Variants in SCAMP2 observed in about 807,000 individuals in gnomAD.
SCAMP2 encodes secretory carrier-associated membrane protein 2.
In SCAMP2, 25 loss-of-function variants were observed where a neutral mutation model predicts 44.1. The observed-to-expected ratio is 0.57, with a 90% CI of 0.41 to 0.79. The LOEUF (loss-of-function observed/expected upper bound fraction) is 0.79, where lower values mean the gene tolerates loss of function less well. Among genes scored for constraint, SCAMP2 ranks in the 30% least tolerant of loss-of-function variants. The pLI is 0.00. For synonymous variants in SCAMP2, 156 were observed against 166.0 expected (o/e 0.94, Z 0.46); for missense variants, 355 against 411.0 (o/e 0.86, Z 1.18).
intron 1 of SCAMP2, among the ~76,000 whole-genome samples, chr15:74,857,510 C>G (rs1019952558): frequency 6.6e-6 from 1 of 152,162 alleles, no homozygotes; most frequent in Non-Finnish European, 1.5e-5. Flanking sequence ...AGTGGCTCCT[C>G]GAGTCTGAGT....
Position 74,873,289 on chromosome 15 carries a change from C to G in SCAMP2, c.-34G>C. On this transcript the variant is annotated 5_prime_UTR_variant, in exon 1 of 9. Coordinates refer to ENST00000268099, the MANE Select transcript of SCAMP2 (RefSeq NM_005697.5). Reference sequence around the variant, plus strand: ...GGGGCCAGCGGGCGAACTCCGCGAACGCTGCTGCCTCCGGGCACCCAGACC... The same window carrying G: ...GGGGCCAGCGGGCGAACTCCGCGAAGGCTGCTGCCTCCGGGCACCCAGACC... The G allele has an allele frequency of 6.8e-7, 1 of 1,475,580 alleles. No individual in the cohort carries two copies. The highest frequency in any genetic ancestry group is 8.9e-7 in the Non-Finnish European group (1 of 1,117,668). 91.4% of individuals were successfully genotyped at this position (1,475,580 alleles called of 1,614,324 possible). A position where few individuals can be genotyped will look rare whatever the true frequency, so the allele number is the denominator to read the frequency against.
At chr15:74,873,036 G>A in intron 1 of SCAMP2, 163 bp downstream of exon 1, 1 of 573,604 alleles carries the variant, frequency 1.7e-6, no homozygotes, top group Non-Finnish European at 2.9e-6. Context: ...TGCTAGTCGC[G>A]CCCCTCACGC....
intron 1 of SCAMP2, 84 bp from the exon 2 acceptor site, chr15:74,854,733 AAG>A (rs1325963263): frequency 1.6e-6 from 2 of 1,249,544 alleles, no homozygotes; most frequent in Non-Finnish European, 2.3e-6. Flanking sequence ...CGCCTGACTG[AAG>A]CAGGGCAGCT....
chr15:74,846,108 C>A (rs1017662853), intron 7 of SCAMP2, among the ~76,000 whole-genome samples: 1 of 152,028 alleles, frequency 6.6e-6, no homozygotes, highest in Non-Finnish European at 1.5e-5. Flanking sequence ...CATGGAGAAA[C>A]CTTGCTCTAC....
intron 1 of SCAMP2, among the ~76,000 whole-genome samples, chr15:74,865,377 T>C (rs1465194674): frequency 9.4e-6 from 1 of 106,378 alleles, no homozygotes; most frequent in African/African-American, 3.2e-5. Context: ...CAAGACTTTG[T>C]CTCAAAAAAA....
chr15:74,862,736 C>T (rs1035703906), intron 1 of SCAMP2, among the ~76,000 whole-genome samples: 1 of 148,708 alleles, frequency 6.7e-6, no homozygotes, highest in Non-Finnish European at 1.5e-5. Flanking sequence ...GCAGGAGAAC[C>T]GTTTGAACCA....
chr15:74,865,025 G>A (rs1347205834), intron 1 of SCAMP2, among the ~76,000 whole-genome samples: 1 of 138,482 alleles, frequency 7.2e-6, no homozygotes, highest in Admixed American at 7.8e-5. Context: ...AGAGGTGGAG[G>A]CTGCAGTGAG....
chr15:74,859,616 C>CT (rs386383489), intron 1 of SCAMP2, among the ~76,000 whole-genome samples: 3,345 of 132,556 alleles, frequency 0.025, 96 homozygotes, highest in East Asian at 0.066. Flanking sequence ...GAAAACCACA[C>CT]TTTTTTTTTT....
At chr15:74,850,180 G>A (rs1289840476) in intron 6 of SCAMP2, among the ~76,000 whole-genome samples, 1 of 152,178 alleles carries the variant, frequency 6.6e-6, no homozygotes. Flanking sequence ...ACACCTTAGA[G>A]CCTCAGAAGG....
At chr15:74,852,229 A>C in intron 3 of SCAMP2, 43 bp from the exon 4 acceptor site, 2 of 1,346,482 alleles carry the variant, frequency 1.5e-6, no homozygotes, top group Non-Finnish European at 2.0e-6. Context: ...AGACACAACA[A>C]ACAGAAACAG....
chr15:74,869,561 C>T (rs540023473), intron 1 of SCAMP2, among the ~76,000 whole-genome samples: 1 of 152,166 alleles, frequency 6.6e-6, no homozygotes, highest in East Asian at 1.9e-4. Context: ...TAAAACAGCC[C>T]TGTCCTGGGA....
intron 1 of SCAMP2, among the ~76,000 whole-genome samples, chr15:74,861,678 C>T (rs1433776314): frequency 6.6e-6 from 1 of 152,074 alleles, no homozygotes; most frequent in Non-Finnish European, 1.5e-5. Context: ...GTGGGCAGAT[C>T]ACGAGGTCAG....
At chr15:74,864,096 C>G (rs768556460) in intron 1 of SCAMP2, among the ~76,000 whole-genome samples, 9 of 152,212 alleles carry the variant, frequency 5.9e-5, no homozygotes, top group Non-Finnish European at 1.3e-4. Flanking sequence ...GAGTCTCACT[C>G]TGTCGTCCAG....
chr15:74,868,632 T>A (rs1303037648), intron 1 of SCAMP2, among the ~76,000 whole-genome samples: 1 of 152,136 alleles, frequency 6.6e-6, no homozygotes, highest in East Asian at 1.9e-4. Flanking sequence ...AACCTCCACC[T>A]CCCAGGCTCA....
chr15:74,845,679 T>G, intron 7 of SCAMP2, 86 bp from the exon 8 acceptor site: 7 of 1,531,648 alleles, frequency 4.6e-6, no homozygotes, highest in Non-Finnish European at 6.3e-6. Context: ...AAGTGGCTGC[T>G]GTGTCCTGAC....
chr15:74,851,030 A>G (rs568985240), intron 5 of SCAMP2, among the ~76,000 whole-genome samples: 12 of 151,990 alleles, frequency 7.9e-5, no homozygotes, highest in Non-Finnish European at 1.6e-4. Flanking sequence ...CTCCTTCCTC[A>G]CCCCTCAGAG....
chr15:74,848,841 C>G (rs1006318176), intron 6 of SCAMP2, 140 bp from the exon 7 acceptor site: 8 of 621,796 alleles, frequency 1.3e-5, no homozygotes, highest in Non-Finnish European at 2.0e-5. Flanking sequence ...CCAGCCATAC[C>G]ACCCGTAAGG....
At position 74,859,009 on chromosome 15, in the gene SCAMP2, T is replaced by C. The variant is rs372041340; in HGVS notation, c.58-4360A>G. ...TATTTTTAGTAGAGATAGGTTTCAC[T>C]GTGTTAGCCAGGATGGTCTTGATTT... On this transcript the variant is annotated intron_variant, in intron 1 of 8. Coordinates refer to ENST00000268099, the MANE Select transcript of SCAMP2 (RefSeq NM_005697.5). Among the ~76,000 whole-genome samples, 137 of 151,830 alleles carry C rather than the reference T, an allele frequency of 9.0e-4. 2 individuals carry two copies. In the South Asian group the frequency reaches 0.026, roughly 29 times the overall value.
At chr15:74,853,188 C>T (rs2064446308) in intron 3 of SCAMP2, 1 of 338,998 alleles carries the variant, frequency 2.9e-6, no homozygotes, top group East Asian at 7.9e-5. Flanking sequence ...TGACCTCCTC[C>T]AAGTCTGTGA....
Sources: gnomAD v4.1 joint callset for allele counts (sites outside exome capture counted in the v4.1 genomes callset) on GRCh38, gnomAD v4.1.1 for gene constraint, MANE v1.5 for transcripts, NCBI Gene and HGNC (gene_info 2026-07-23, HGNC 2026-07-21) for gene names.